The following GRM3 variants were observed in gnomAD, a reference collection of about 807,000 sequenced individuals.
GRM3 encodes metabotropic glutamate receptor 3.
In GRM3, 26 loss-of-function variants were observed where a neutral mutation model predicts 70.5. That is an observed-to-expected ratio of 0.37 (90% CI 0.27 to 0.51). The LOEUF (loss-of-function observed/expected upper bound fraction) is 0.51. GRM3 is among the 20% of genes least tolerant of loss of function. GRM3 has a pLI of 0.93. For missense variants in GRM3, 859 were observed against 1,123.8 expected, an observed-to-expected ratio of 0.76 and a Z score of 3.37; for synonymous variants, 443 against 434.9, an observed-to-expected ratio of 1.02 and a Z score of -0.23.
intron 1 of GRM3, among the ~76,000 whole-genome samples, chr7:86,741,477 G>GT (rs1358146987): frequency 2.0e-5 from 3 of 152,168 alleles, no homozygotes; most frequent in Admixed American, 2.0e-4. Context: ...GGTGGTATAA[G>GT]AAGTTAATAT....
intron 3 of GRM3, among the ~76,000 whole-genome samples, chr7:86,799,808 C>T (rs1463990675): frequency 6.6e-6 from 1 of 152,168 alleles, no homozygotes; most frequent in African/African-American, 2.4e-5. Context: ...GGATTACAGG[C>T]GTGAGCCACC....
At chr7:86,766,634 T>A (rs532445815) in intron 2 of GRM3, among the ~76,000 whole-genome samples, 1 of 152,272 alleles carries the variant, frequency 6.6e-6, no homozygotes, top group East Asian at 1.9e-4. Flanking sequence ...CTCAGATAGA[T>A]CTTTTGTACT....
At chr7:86,805,673 G>C (rs1165656069) in intron 3 of GRM3, among the ~76,000 whole-genome samples, 1 of 152,012 alleles carries the variant, frequency 6.6e-6, no homozygotes, top group Non-Finnish European at 1.5e-5. Context: ...ACATATAGTT[G>C]GAATCATATA....
intron 5 of GRM3, among the ~76,000 whole-genome samples, chr7:86,862,236 A>T (rs751736137): frequency 6.6e-6 from 1 of 152,146 alleles, no homozygotes; most frequent in Non-Finnish European, 1.5e-5. Context: ...AGGCTGCAGA[A>T]AAAGCACATA....
intron 1 of GRM3, among the ~76,000 whole-genome samples, chr7:86,694,857 T>C (rs1171846998): frequency 6.6e-6 from 1 of 152,180 alleles, no homozygotes; most frequent in Non-Finnish European, 1.5e-5. Flanking sequence ...GAAGGAGAAA[T>C]AACTCTTATT....
intron 1 of GRM3, among the ~76,000 whole-genome samples, chr7:86,730,589 C>T (rs78276812): frequency 0.036 from 5,442 of 152,268 alleles, 166 homozygotes; most frequent in African/African-American, 0.08. Context: ...GGAAAAGTAG[C>T]TTTTCAGAAA....
In GRM3 at chr7:86,687,624, A is replaced by G. The variant is rs1794597871; in HGVS notation, c.-141+42752A>G. Among the ~76,000 whole-genome samples the G allele has an allele frequency of 2.0e-5, 3 of 152,072 alleles. No individual in the cohort carries two copies. In the South Asian group the frequency reaches 6.2e-4, roughly 31 times the overall value. On this transcript the variant is annotated intron_variant, in intron 1 of 5. Coordinates refer to ENST00000361669, the MANE Select transcript of GRM3 (RefSeq NM_000840.3). ...CTACACTACAAGATATACTAAAGGGACTTCTTTAGGTTGAAGGAAAAATGA... is the reference window on the plus strand; with the variant it reads ...CTACACTACAAGATATACTAAAGGGGCTTCTTTAGGTTGAAGGAAAAATGA...
At chr7:86,761,267 G>A (rs1796473826) in intron 1 of GRM3, among the ~76,000 whole-genome samples, 1 of 152,066 alleles carries the variant, frequency 6.6e-6, no homozygotes, top group Non-Finnish European at 1.5e-5. Context: ...AGAAGAATGT[G>A]CATATTCCTT....
intron 1 of GRM3, among the ~76,000 whole-genome samples, chr7:86,733,856 T>C (rs1235537111): frequency 6.6e-6 from 1 of 152,208 alleles, no homozygotes; most frequent in African/African-American, 2.4e-5. Flanking sequence ...TTACACCTTT[T>C]ACTGACACTA....
chr7:86,809,397 G>A (rs762867646), intron 3 of GRM3, among the ~76,000 whole-genome samples: 11 of 152,108 alleles, frequency 7.2e-5, no homozygotes, highest in Non-Finnish European at 1.0e-4. Flanking sequence ...GATATTTGCT[G>A]AGCCCTGAAT....
chr7:86,704,396 AT>A (rs1357094160), intron 1 of GRM3, among the ~76,000 whole-genome samples: 1 of 151,944 alleles, frequency 6.6e-6, no homozygotes, highest in Non-Finnish European at 1.5e-5. Context: ...TTCTTTAAAA[AT>A]TCAGAACCTA....
intron 1 of GRM3, among the ~76,000 whole-genome samples, chr7:86,686,166 C>T (rs571438861): frequency 3.9e-5 from 6 of 152,066 alleles, no homozygotes; most frequent in Non-Finnish European, 8.8e-5. Context: ...TGAAAATAAG[C>T]AGCAAATTAA....
Position 86,644,891 on chromosome 7 carries a change from G to A in GRM3, c.-141+19G>A. On this transcript the variant is annotated intron_variant, in intron 1 of 5. Coordinates refer to ENST00000361669, the MANE Select transcript of GRM3 (RefSeq NM_000840.3). ...GTGCGAGGTAAGGGTCCCAGAGGAGGACGTGTCCCTCTGGAGGGCGCCCAG... is the reference window on the plus strand; with the variant it reads ...GTGCGAGGTAAGGGTCCCAGAGGAGAACGTGTCCCTCTGGAGGGCGCCCAG... The A allele has an allele frequency of 1.6e-6, 2 of 1,257,018 alleles. No individual in the cohort carries two copies. The highest frequency in any genetic ancestry group is 2.1e-6 in the Non-Finnish European group (2 of 959,936). The allele number at this position is 1,257,018 out of a possible 1,614,324, so 77.9% of individuals were successfully genotyped here.
chr7:86,855,413 A>G lies in GRM3; in HGVS notation c.2566+4869A>G, dbSNP rs117605087. Among the ~76,000 whole-genome samples, 902 of 152,250 alleles carry G rather than the reference A, an allele frequency of 5.9e-3. 4 individuals are homozygous for G. Among genetic ancestry groups the G allele is most frequent in the South Asian group, 1.0e-2 (48 of 4,822 alleles). On this transcript the variant is annotated intron_variant, in intron 5 of 5. Transcript: ENST00000361669. ...CTATTATACCCAGACTTGGTCCTAT[A>G]AGGATATGTGTCTCTTGCTCATGGT... is the stretch of plus-strand genomic sequence containing the variant.
chr7:86,752,851 C>G (rs1473348930), intron 1 of GRM3, among the ~76,000 whole-genome samples: 2 of 151,936 alleles, frequency 1.3e-5, no homozygotes, highest in Non-Finnish European at 2.9e-5. Context: ...GTGCCCAGCC[C>G]CCTTCTAACA....
chr7:86,777,252 A>C (rs772295958), intron 2 of GRM3, among the ~76,000 whole-genome samples: 3 of 152,224 alleles, frequency 2.0e-5, no homozygotes, highest in Non-Finnish European at 2.9e-5. Context: ...CTTACTATTT[A>C]AGAAGTCCTT....
At chr7:86,697,912 ATC>A (rs1343815723) in intron 1 of GRM3, among the ~76,000 whole-genome samples, 1 of 152,064 alleles carries the variant, frequency 6.6e-6, no homozygotes, top group African/African-American at 2.4e-5. Context: ...TAGCTACTTT[ATC>A]TCTGTCTTCT....
chr7:86,760,365 G>C (rs1158797829), intron 1 of GRM3, among the ~76,000 whole-genome samples: 2 of 152,076 alleles, frequency 1.3e-5, no homozygotes, highest in African/African-American at 4.8e-5. Context: ...ATAAAACATT[G>C]GTGAGCAGGT....
At chr7:86,732,457 T>C (rs2116282413) in intron 1 of GRM3, among the ~76,000 whole-genome samples, 1 of 152,198 alleles carries the variant, frequency 6.6e-6, no homozygotes, top group Non-Finnish European at 1.5e-5. Flanking sequence ...GTATAGCAAG[T>C]TCAGATATGA....
Sources: gnomAD v4.1 joint callset for allele counts (sites outside exome capture counted in the v4.1 genomes callset) on GRCh38, gnomAD v4.1.1 for gene constraint, MANE v1.5 for transcripts, NCBI Gene and HGNC (gene_info 2026-07-23, HGNC 2026-07-21) for gene names.